The following HDGFL2 variants were observed in gnomAD, a reference collection of about 807,000 sequenced individuals.
HDGFL2 encodes hepatoma-derived growth factor-related protein 2.
HDGFL2 carries 36 observed loss-of-function variants against 77.1 expected under a neutral mutation model. The observed-to-expected ratio is 0.47, with a 90% CI of 0.36 to 0.62. HDGFL2 has a LOEUF of 0.62. HDGFL2 is among the 20% of genes least tolerant of loss of function. The probability of loss-of-function intolerance (pLI) is 0.00; values close to 1 mark genes in which losing one functional copy is unlikely to be tolerated. For synonymous variants in HDGFL2, 463 were observed against 413.1 expected, an observed-to-expected ratio of 1.12 and a Z score of -1.46; for missense variants, 976 against 973.4, an observed-to-expected ratio of 1.00 and a Z score of -0.04.
Position 4,494,239 on chromosome 19 carries a change from C to G in HDGFL2, c.988C>G (p.Arg330Gly). 17 of 1,459,382 alleles carry G rather than the reference C, an allele frequency of 1.2e-5. No homozygotes were observed. The highest frequency in any genetic ancestry group is 1.4e-5 in the South Asian group (1 of 71,204). The allele number at this position is 1,459,382 out of a possible 1,614,324, so 90.4% of individuals were successfully genotyped here. ...GGCGCGGAGGCGCGAGCTGGAGGCC[C>G]GGCGGCGGCGAGAGCAGGAGGAGGA... The part of the protein sequence containing the change: ...DEARRRELEA[R>G]RRREQEEELR... Residue 330 changes from arginine (R) to glycine (G), a missense_variant, in exon 9 of 16, where the codon CGG becomes GGG. Coordinates refer to ENST00000616600, the MANE Select transcript of HDGFL2 (RefSeq NM_001001520.3).
At position 4,501,892 on chromosome 19, in the gene HDGFL2, C is replaced by T. The variant is rs1313091218; in HGVS notation, c.1917-19C>T. ...GGGGCGGGAGGGCATCCTCACACCG[C>T]CTTTGCTGTTCCCACCAGCAGCGTA... On this transcript the variant is annotated intron_variant, in intron 15 of 15. Coordinates refer to ENST00000616600, the MANE Select transcript of HDGFL2 (RefSeq NM_001001520.3). 4.9e-6 allele frequency: 7 copies of T among 1,431,952 alleles called. No homozygotes were observed. The highest frequency in any genetic ancestry group is 6.4e-6 in the Non-Finnish European group (7 of 1,096,226). The allele number at this position is 1,431,952 out of a possible 1,614,324, so 88.7% of individuals were successfully genotyped here.
In HDGFL2 at chr19:4,499,688, G is replaced by A. The variant is rs1406630693; in HGVS notation, c.1773G>A (p.Glu591=). The part of the protein sequence containing the change: ...AGEEAPQEKA[E]DKPSTDLSAP... ...AGGAGGCCCCCCAGGAGAAGGCGGA[G>A]GACAAGCCCAGCACCGGTGAGGGGC... Residue 591 remains glutamate, a synonymous_variant, in exon 14 of 16, where the codon GAG becomes GAA. Transcript: ENST00000616600. 1.9e-6 allele frequency: 3 copies of A among 1,569,948 alleles called. No homozygotes were observed. Among genetic ancestry groups the A allele is most frequent in the Non-Finnish European group, 2.6e-6 (3 of 1,156,826 alleles).
Position 4,494,007 on chromosome 19 carries a change from A to T in HDGFL2, c.864A>T (p.Arg288=). Residue 288 remains arginine, a synonymous_variant, in exon 8 of 16, where the codon CGA becomes CGT. Transcript: ENST00000616600. ...CGGAGAAGCCTCTCCCGAAGCCGCG[A>T]GGGCGGAAACCGAAGCCTGAACGGC... ...KPAEKPLPKP[R]GRKPKPERPP... 6.2e-7 allele frequency: 1 copy of T among 1,611,692 alleles called. No homozygotes were observed. The highest frequency in any genetic ancestry group is 1.1e-5 in the South Asian group (1 of 90,678).
intron 3 of HDGFL2, among the ~76,000 whole-genome samples, chr19:4,481,023 A>ATT (rs35117226): frequency 7.5e-6 from 1 of 132,612 alleles, no homozygotes; most frequent in Non-Finnish European, 1.6e-5. Context: ...AACCCGGCTA[A>ATT]TTTTTTTTTT....
At position 4,502,062 on chromosome 19, in the gene HDGFL2, T is replaced by G; in HGVS notation, c.*52T>G. 1.6e-6 allele frequency: 2 copies of G among 1,269,468 alleles called. No homozygotes were observed. Among genetic ancestry groups the G allele is most frequent in the Non-Finnish European group, 2.2e-6 (2 of 903,546 alleles). The allele number at this position is 1,269,468 out of a possible 1,614,324, so 78.6% of individuals were successfully genotyped here. ...GCCCGAGCTCAGGCTGCCCCTCTCC[T>G]TCCCCGGCTCGCAGGAGAGCAGAGC... On this transcript the variant is annotated 3_prime_UTR_variant, in exon 16 of 16. Coordinates refer to ENST00000616600, the MANE Select transcript of HDGFL2 (RefSeq NM_001001520.3).
intron 12 of HDGFL2, among the ~76,000 whole-genome samples, 193 bp from the exon 13 acceptor site, chr19:4,498,621 C>T (rs541109816): frequency 1.1e-4 from 16 of 152,198 alleles, no homozygotes; most frequent in South Asian, 2.1e-4. Context: ...CCAACCCCCA[C>T]GTACCTGGGA....
At chr19:4,501,141 G>T (rs768733950) in intron 14 of HDGFL2, 50 bp from the exon 15 acceptor site, 3 of 1,609,650 alleles carry the variant, frequency 1.9e-6, no homozygotes, top group Admixed American at 3.3e-5. Context: ...GGGTTCTGGG[G>T]TGCCCAGCTG....
chr19:4,484,666 ATTTTTTTTTTT>A (rs71168907), intron 3 of HDGFL2, among the ~76,000 whole-genome samples: 1 of 74,118 alleles, frequency 1.3e-5, no homozygotes, highest in South Asian at 5.6e-4. Flanking sequence ...CGCCTGGCTA[ATTTTTTTTTTT>A]TTTTTTTTTT....
chr19:4,475,667 C>G (rs1337110827), intron 3 of HDGFL2, 84 bp downstream of exon 3: 80 of 1,462,852 alleles, frequency 5.5e-5, no homozygotes, highest in Non-Finnish European at 7.0e-5. Context: ...CCCCTGGGCA[C>G]TGTGGACACA....
At chr19:4,497,926 G>C in intron 10 of HDGFL2, 32 bp from the exon 11 acceptor site, 2 of 1,542,874 alleles carry the variant, frequency 1.3e-6, no homozygotes, top group Non-Finnish European at 1.8e-6. Flanking sequence ...TGCCGGTGAC[G>C]GGGCCCGACT....
At chr19:4,501,639 C>CCAT (rs1488727905) in intron 15 of HDGFL2, 1 of 478,108 alleles carries the variant, frequency 2.1e-6, no homozygotes, top group Non-Finnish European at 3.7e-6. Context: ...GTGCCTGTGC[C>CCAT]CATCACTGTG....
At chr19:4,474,287 G>A (rs961635890) in intron 1 of HDGFL2, among the ~76,000 whole-genome samples, 13 of 152,150 alleles carry the variant, frequency 8.5e-5, no homozygotes, top group Non-Finnish European at 1.5e-4. Flanking sequence ...AATGCCGCTG[G>A]GATGGGTGGG....
At chr19:4,489,424 A>C (rs1975450737) in intron 4 of HDGFL2, among the ~76,000 whole-genome samples, 1 of 141,066 alleles carries the variant, frequency 7.1e-6, no homozygotes, top group African/African-American at 2.8e-5. Context: ...TTTTTTTTTG[A>C]GACGGAGTCT....
At position 4,494,391 on chromosome 19, in the gene HDGFL2, C is replaced by T. The variant is rs747836053; in HGVS notation, c.1140C>T (p.Pro380=). Residue 380 remains proline, a synonymous_variant, in exon 9 of 16, where the codon CCC becomes CCT. Transcript: ENST00000616600. ...SGDELREDDE[P]VKKRGRKGRG... ...ACGAGCTCAGGGAGGACGATGAGCC[C>T]GTCAAGAAGCGGGGACGCAAGGGCC... The T allele has an allele frequency of 5.0e-6, 7 of 1,399,746 alleles. No homozygotes were observed. Among genetic ancestry groups the T allele is most frequent in the East Asian group, 5.9e-5 (2 of 33,708 alleles). 86.7% of individuals were successfully genotyped at this position (1,399,746 alleles called of 1,614,324 possible). A position where few individuals can be genotyped will look rare whatever the true frequency, so the allele number is the denominator to read the frequency against.
Position 4,491,727 on chromosome 19 carries a change from C to T in HDGFL2, c.607-37C>T, listed in dbSNP as rs765389159. The T allele has an allele frequency of 1.9e-6, 3 of 1,613,024 alleles. No individual in the cohort carries two copies. In the Admixed American group the frequency reaches 5.0e-5, roughly 27 times the overall value. On this transcript the variant is annotated intron_variant, in intron 5 of 15. Coordinates refer to ENST00000616600, the MANE Select transcript of HDGFL2 (RefSeq NM_001001520.3). Reference sequence around the variant, plus strand: ...GGATGGCAGGGAAGCGTGGTGGCTGCCAGTGGGCCCCAGTTCAGCTCACTT... The same window carrying T: ...GGATGGCAGGGAAGCGTGGTGGCTGTCAGTGGGCCCCAGTTCAGCTCACTT...
intron 1 of HDGFL2, among the ~76,000 whole-genome samples, chr19:4,473,661 G>A (rs1436997385): frequency 6.7e-6 from 1 of 149,668 alleles, no homozygotes; most frequent in African/African-American, 2.5e-5. Context: ...TCAAGGCTAA[G>A]GGAAGCTGGG....
intron 9 of HDGFL2, 57 bp downstream of exon 9, chr19:4,494,532 C>A: frequency 1.6e-6 from 2 of 1,229,822 alleles, no homozygotes; most frequent in Non-Finnish European, 2.1e-6. Context: ...TATGGAGCAT[C>A]TACTAGGTAG....
intron 5 of HDGFL2, 23 bp from the exon 6 acceptor site, chr19:4,491,741 T>G: frequency 1.2e-6 from 2 of 1,613,810 alleles, no homozygotes; most frequent in South Asian, 2.2e-5. Flanking sequence ...TGGGCCCCAG[T>G]TCAGCTCACT....
chr19:4,500,013 A>T (rs936812284), intron 14 of HDGFL2, among the ~76,000 whole-genome samples: 11 of 145,722 alleles, frequency 7.5e-5, no homozygotes, highest in Non-Finnish European at 1.5e-4. Flanking sequence ...ACGCCCAGAG[A>T]GGGGGGTGGC....
Sources: gnomAD v4.1 joint callset for allele counts (sites outside exome capture counted in the v4.1 genomes callset) on GRCh38, gnomAD v4.1.1 for gene constraint, MANE v1.5 for transcripts, NCBI Gene and HGNC (gene_info 2026-07-23, HGNC 2026-07-21) for gene names.